Variants in ZNF365 observed in about 807,000 individuals in gnomAD.
ZNF365 encodes protein ZNF365.
A neutral mutation model predicts 35.0 loss-of-function variants in ZNF365; 22 were observed. The ratio of observed to expected loss-of-function variants is 0.63; its 90% CI spans 0.45 to 0.90. The LOEUF is 0.90. Ranked by LOEUF, ZNF365 falls within the 40% of genes least tolerant of loss-of-function variation. The pLI is 0.00. For missense variants in ZNF365, 448 were observed against 500.3 expected (o/e 0.90, Z 1.00); for synonymous variants, 188 against 196.2 (o/e 0.96, Z 0.35).
downstream of ZNF365, among the ~76,000 whole-genome samples, chr10:62,407,072 A>T (rs1312291432): frequency 6.6e-6 from 1 of 152,218 alleles, no homozygotes; most frequent in Non-Finnish European, 1.5e-5. Flanking sequence ...TCTGCTTCTA[A>T]GGGTCCTTCC....
chr10:62,421,865 T>C (rs983306179), intron 3 of ZNF365, among the ~76,000 whole-genome samples: 9 of 152,218 alleles, frequency 5.9e-5, no homozygotes, highest in Non-Finnish European at 1.0e-4. Flanking sequence ...CTATAGTTGT[T>C]ACAGATGTGA....
chr10:62,382,843 A>T (rs1839463095), intron 2 of ZNF365, among the ~76,000 whole-genome samples: 1 of 152,212 alleles, frequency 6.6e-6, no homozygotes, highest in Non-Finnish European at 1.5e-5. Flanking sequence ...ATCAATAGCT[A>T]GACTATTTTT....
intron 3 of ZNF365, among the ~76,000 whole-genome samples, chr10:62,430,385 T>A (rs1411929767): frequency 5.9e-5 from 9 of 151,988 alleles, no homozygotes; most frequent in Non-Finnish European, 1.0e-4. Context: ...TTTCACCATG[T>A]TAGCCAGGAT....
chr10:62,410,267 G>C (rs1370206369), intron 3 of ZNF365, among the ~76,000 whole-genome samples: 1 of 152,230 alleles, frequency 6.6e-6, no homozygotes, highest in South Asian at 2.1e-4. Context: ...TTCTGATTTG[G>C]AGCAGGGCTA....
chr10:62,426,549 A>G (rs1840252368), intron 3 of ZNF365, among the ~76,000 whole-genome samples: 2 of 152,078 alleles, frequency 1.3e-5, no homozygotes, highest in South Asian at 4.1e-4. Context: ...CACAGGCCCT[A>G]AAAATAGGAG....
At chr10:62,470,221 G>A (rs537403493) in intron 4 of ZNF365, among the ~76,000 whole-genome samples, 1 of 152,298 alleles carries the variant, frequency 6.6e-6, no homozygotes, top group South Asian at 2.1e-4. Context: ...GTCCTTGGAG[G>A]ATTTGTTAAT....
chr10:62,375,900 T>G, intron 1 of ZNF365: 1 of 327,470 alleles, frequency 3.1e-6, no homozygotes. Flanking sequence ...GTAGTAAATA[T>G]TTTAGCTTTT....
In ZNF365 at chr10:62,401,147, T is replaced by TAA. The variant is rs910593852; in HGVS notation, c.*1359_*1360dup. 10 of 961,298 alleles carry TAA rather than the reference T, an allele frequency of 1.0e-5. No homozygotes were observed. The African/African-American group carries it at 1.8e-4, about 17-fold the overall frequency. The allele number at this position is 961,298 out of a possible 1,614,324, so 59.5% of individuals were successfully genotyped here. ...AAATATATACATATATACATATATA[T>TAA]AACACATACAAAATATATATGTTAA... On this transcript the variant is annotated 3_prime_UTR_variant, in exon 5 of 5. Coordinates refer to ENST00000395254, the MANE Select transcript of ZNF365 (RefSeq NM_014951.3).
At chr10:62,390,748 G>C (rs1370456517) in intron 3 of ZNF365, among the ~76,000 whole-genome samples, 2 of 152,124 alleles carry the variant, frequency 1.3e-5, no homozygotes, top group Non-Finnish European at 2.9e-5. Flanking sequence ...TAGGGTATAT[G>C]GTATATGGCC....
intron 3 of ZNF365, among the ~76,000 whole-genome samples, chr10:62,431,654 A>G (rs1840336743): frequency 6.6e-6 from 1 of 152,174 alleles, no homozygotes; most frequent in African/African-American, 2.4e-5. Context: ...GCCTCTAGGC[A>G]AAAGGGTTTG....
chr10:62,458,315 G>A (rs1262282715), intron 3 of ZNF365, among the ~76,000 whole-genome samples: 1 of 152,134 alleles, frequency 6.6e-6, no homozygotes, highest in East Asian at 1.9e-4. Context: ...ACTATTCACT[G>A]TCTTTCCTTC....
intron 3 of ZNF365, among the ~76,000 whole-genome samples, chr10:62,444,021 G>T (rs1215104762): frequency 6.6e-6 from 1 of 152,146 alleles, no homozygotes; most frequent in Non-Finnish European, 1.5e-5. Flanking sequence ...AAAAGTTTTG[G>T]ACTGATATTA....
intron 4 of ZNF365, among the ~76,000 whole-genome samples, chr10:62,464,197 A>C (rs1433757352): frequency 1.3e-5 from 2 of 152,104 alleles, no homozygotes; most frequent in Admixed American, 6.5e-5. Context: ...GTTCCTATGC[A>C]ATTCATTCTT....
chr10:62,402,266 G>C lies in ZNF365; in HGVS notation c.*2477G>C, dbSNP rs1839841797. ...AATCTTCCTTTGAACCGCTTTTCTT[G>C]CTTTTTCCCTTTTTCCCAAACTAGG... On this transcript the variant is annotated 3_prime_UTR_variant, in exon 5 of 5. Coordinates refer to ENST00000395254, the MANE Select transcript of ZNF365 (RefSeq NM_014951.3). 2.0e-6 allele frequency: 2 copies of C among 985,704 alleles called. No homozygotes were observed. The highest frequency in any genetic ancestry group is 2.4e-6 in the Non-Finnish European group (2 of 829,890). 61.1% of individuals were successfully genotyped at this position (985,704 alleles called of 1,614,324 possible).
chr10:62,439,116 C>T (rs1840453482), intron 3 of ZNF365, among the ~76,000 whole-genome samples: 1 of 152,112 alleles, frequency 6.6e-6, no homozygotes, highest in Non-Finnish European at 1.5e-5. Context: ...GGTTTCTGGT[C>T]AGTATAGATA....
rs369242041 is a variant in ZNF365 at position 62,376,172 on chromosome 10, C to G, written c.-13-9C>G. 2.5e-6 allele frequency: 4 copies of G among 1,611,330 alleles called. No homozygotes were observed. Among genetic ancestry groups the G allele is most frequent in the African/African-American group, 2.7e-5 (2 of 74,778 alleles). On this transcript the variant is annotated splice_polypyrimidine_tract_variant and intron_variant, in intron 1 of 4. Transcript: ENST00000395254. Reference sequence around the variant, plus strand: ...CCGACTTGTAAACTACCTATTTCCCCCCTCCCAGGACTTTTAGAGTAATGC... The same window carrying G: ...CCGACTTGTAAACTACCTATTTCCCGCCTCCCAGGACTTTTAGAGTAATGC...
Position 62,455,635 on chromosome 10 carries a change from CTA to C in ZNF365, c.925-4104_925-4103del, listed in dbSNP as rs146486395. Among the ~76,000 whole-genome samples the C allele has an allele frequency of 1.8e-4, 27 of 151,738 alleles. No individual in the cohort carries two copies. In the East Asian group the frequency reaches 4.8e-3, roughly 27 times the overall value. On this transcript the variant is annotated intron_variant, in intron 3 of 4. Transcript: ENST00000395255. ...CTCATATATACATAGTTTATTTAAACTATGTGCATATGGTAAAATAAAATTAA... is the reference window on the plus strand; with the variant it reads ...CTCATATATACATAGTTTATTTAAACTGTGCATATGGTAAAATAAAATTAA...
chr10:62,460,022 A>C (rs1486572989), intron 4 of ZNF365, among the ~76,000 whole-genome samples: 1 of 152,108 alleles, frequency 6.6e-6, no homozygotes, highest in Non-Finnish European at 1.5e-5. Flanking sequence ...TTCCCCCTAT[A>C]TATGATGTTC....
At chr10:62,466,113 A>G (rs763435709) in intron 4 of ZNF365, among the ~76,000 whole-genome samples, 11 of 152,332 alleles carry the variant, frequency 7.2e-5, no homozygotes, top group Middle Eastern at 3.4e-3. Context: ...ACTGCGGGCG[A>G]CAAGAAGGAG....
Sources: gnomAD v4.1 joint callset for allele counts (sites outside exome capture counted in the v4.1 genomes callset) on GRCh38, gnomAD v4.1.1 for gene constraint, MANE v1.5 for transcripts, NCBI Gene and HGNC (gene_info 2026-07-23, HGNC 2026-07-21) for gene names.